The following CFAP221 variants were observed in gnomAD, a reference collection of about 807,000 sequenced individuals.
CFAP221 encodes the protein cilia and flagella associated protein 221.
Under a neutral mutation model 113.1 loss-of-function variants are expected in CFAP221, and 97 were observed. The observed-to-expected ratio is 0.86, with a 90% confidence interval of 0.73 to 1.02. CFAP221 has a LOEUF of 1.02. CFAP221 is among the 50% of genes least tolerant of loss of function. The probability of loss-of-function intolerance (pLI) is 0.00; values close to 1 mark genes in which losing one functional copy is unlikely to be tolerated. For synonymous variants in CFAP221, 331 were observed against 354.4 expected, an observed-to-expected ratio of 0.93 and a Z score of 0.74; for missense variants, 1,025 against 1,013.4, an observed-to-expected ratio of 1.01 and a Z score of -0.16.
At chr2:119,652,091 T>A (rs1421123268) in intron 23 of CFAP221, 22 bp downstream of exon 23, 5 of 1,560,122 alleles carry the variant, frequency 3.2e-6, no homozygotes, top group Non-Finnish European at 4.4e-6. Context: ...CTTTTATGCC[T>A]TATTAAAAGG....
downstream of CFAP221, among the ~76,000 whole-genome samples, chr2:119,659,186 T>G (rs879285292): frequency 2.0e-5 from 3 of 152,152 alleles, no homozygotes; most frequent in Non-Finnish European, 2.9e-5. Flanking sequence ...TAAAGTAACA[T>G]CCCATTTGCT....
At chr2:119,579,354 A>T (rs1490652733) in intron 6 of CFAP221, among the ~76,000 whole-genome samples, 2 of 152,152 alleles carry the variant, frequency 1.3e-5, no homozygotes, top group African/African-American at 4.8e-5. Flanking sequence ...ATGGTATTTA[A>T]CAATGAGAAT....
chr2:119,546,533 C>T (rs1263231934), intron 2 of CFAP221, among the ~76,000 whole-genome samples: 1 of 152,188 alleles, frequency 6.6e-6, no homozygotes, highest in African/African-American at 2.4e-5. Context: ...TCTTGTTTCT[C>T]ATGTTCAGCA....
chr2:119,605,327 C>A, intron 11 of CFAP221, 38 bp downstream of exon 11: 2 of 1,450,476 alleles, frequency 1.4e-6, no homozygotes, highest in Non-Finnish European at 9.7e-7. Flanking sequence ...AGTGTCAGTA[C>A]AGTTATTTTT....
chr2:119,547,808 G>C (rs944575495), intron 2 of CFAP221, among the ~76,000 whole-genome samples: 3 of 152,094 alleles, frequency 2.0e-5, no homozygotes, highest in Non-Finnish European at 4.4e-5. Context: ...CTAGAATTAT[G>C]ATGATCAAAG....
intron 14 of CFAP221, among the ~76,000 whole-genome samples, chr2:119,624,740 A>C (rs1686174724): frequency 6.6e-6 from 1 of 152,180 alleles, no homozygotes; most frequent in Admixed American, 6.5e-5. Flanking sequence ...TGAAGCTAGA[A>C]ATCATCATTC....
chr2:119,647,756 G>A (rs1016032072), intron 22 of CFAP221, among the ~76,000 whole-genome samples: 3 of 152,168 alleles, frequency 2.0e-5, no homozygotes, highest in Non-Finnish European at 4.4e-5. Context: ...GAGAAAATTA[G>A]AAGTTCCATA....
intron 14 of CFAP221, among the ~76,000 whole-genome samples, chr2:119,625,155 T>C (rs1259408896): frequency 1.3e-5 from 2 of 152,198 alleles, no homozygotes; most frequent in East Asian, 1.9e-4. Flanking sequence ...GCAAAGCTCA[T>C]TGGTAGGCAG....
At chr2:119,550,002 A>C (rs560822515) in intron 3 of CFAP221, among the ~76,000 whole-genome samples, 3 of 152,252 alleles carry the variant, frequency 2.0e-5, no homozygotes, top group African/African-American at 7.2e-5. Flanking sequence ...GAACAACCTC[A>C]GTGACTTCAC....
Position 119,601,106 on chromosome 2 carries a change from G to A in CFAP221, c.632-112G>A, listed in dbSNP as rs1684334630. On this transcript the variant is annotated intron_variant, in intron 7 of 23. Coordinates refer to ENST00000413369, the MANE Select transcript of CFAP221 (RefSeq NM_001271049.2). ...ATTTTCAATTGTGTGGGGAGTCAGTGCCCCTAATCTCCACATTGTCAGAGG... is the reference window on the plus strand; with the variant it reads ...ATTTTCAATTGTGTGGGGAGTCAGTACCCCTAATCTCCACATTGTCAGAGG... 11 of 1,085,048 alleles carry A rather than the reference G, an allele frequency of 1.0e-5. No homozygotes were observed. The South Asian group carries it at 1.8e-4, about 18-fold the overall frequency. 67.2% of individuals were successfully genotyped at this position (1,085,048 alleles called of 1,614,324 possible).
At chr2:119,611,449 C>T (rs890591213) in intron 12 of CFAP221, among the ~76,000 whole-genome samples, 2 of 144,216 alleles carry the variant, frequency 1.4e-5, no homozygotes, top group Admixed American at 7.0e-5. Context: ...AAGGAGGTAT[C>T]GAATCTGTGC....
In CFAP221 at chr2:119,587,269, A is replaced by G. The variant is rs749877709; in HGVS notation, c.631+47A>G. The G allele has an allele frequency of 5.4e-6, 7 of 1,307,642 alleles. No homozygotes were observed. The East Asian group carries it at 1.0e-4, about 19-fold the overall frequency. 81.0% of individuals were successfully genotyped at this position (1,307,642 alleles called of 1,614,324 possible). A position where few individuals can be genotyped will look rare whatever the true frequency, so the allele number is the denominator to read the frequency against. On this transcript the variant is annotated intron_variant, in intron 7 of 23. Transcript: ENST00000413369. Reference sequence around the variant, plus strand: ...AGTTCTAAAAACAAGAATAAGCTGCATTCAAACGTTATATTTTCAAACACA... The same window carrying G: ...AGTTCTAAAAACAAGAATAAGCTGCGTTCAAACGTTATATTTTCAAACACA...
At chr2:119,566,082 C>T (rs116654047) in intron 6 of CFAP221, among the ~76,000 whole-genome samples, 21 of 152,194 alleles carry the variant, frequency 1.4e-4, no homozygotes, top group African/African-American at 3.6e-4. Flanking sequence ...AGGGATGACC[C>T]GGCTTGGTTG....
Position 119,630,812 on chromosome 2 carries a change from A to G in CFAP221, c.1885A>G (p.Thr629Ala), listed in dbSNP as rs1686721978. ...ITALPKQDST[T>A]QLSGKTSVLS... is the part of the protein sequence containing the mutation. Reference sequence around the variant, plus strand: ...AGCCCTTCCGAAACAGGACTCCACAACTCAGCTCTCTGGCAAAACATCAGT... The same window carrying G: ...AGCCCTTCCGAAACAGGACTCCACAGCTCAGCTCTCTGGCAAAACATCAGT... The change falls in exon 19 of 24, where the codon ACT (threonine) becomes GCT (alanine). Residue 629 changes from threonine (T) to alanine (A), a missense_variant. Thr to Ala is a moderately conservative substitution (Grantham distance 58). Transcript: ENST00000413369. The G allele has an allele frequency of 1.2e-6, 2 of 1,613,714 alleles. No homozygotes were observed. Among genetic ancestry groups the G allele is most frequent in the African/African-American group, 1.3e-5 (1 of 75,008 alleles).
intron 19 of CFAP221, among the ~76,000 whole-genome samples, chr2:119,634,108 G>GAAC (rs1686963271): frequency 6.6e-6 from 1 of 151,798 alleles, no homozygotes; most frequent in African/African-American, 2.4e-5. Context: ...ACCCTGTCTC[G>GAAC]AATAATAATA....
chr2:119,581,388 C>T (rs1189967599), intron 6 of CFAP221, among the ~76,000 whole-genome samples: 2 of 151,756 alleles, frequency 1.3e-5, no homozygotes, highest in Non-Finnish European at 2.9e-5. Flanking sequence ...TAAAAAGAAC[C>T]ATTTAGAAAT....
At chr2:119,568,587 A>G (rs942886336) in intron 6 of CFAP221, among the ~76,000 whole-genome samples, 2 of 151,988 alleles carry the variant, frequency 1.3e-5, no homozygotes, top group African/African-American at 4.8e-5. Context: ...GAGAACATGC[A>G]GTGTTTGATT....
At chr2:119,582,754 C>T (rs1270841947) in intron 6 of CFAP221, among the ~76,000 whole-genome samples, 2 of 152,090 alleles carry the variant, frequency 1.3e-5, no homozygotes, top group Non-Finnish European at 2.9e-5. Context: ...CAGCACCCAG[C>T]TGTCAATAAG....
chr2:119,647,824 T>C (rs948653287), intron 22 of CFAP221, among the ~76,000 whole-genome samples: 16 of 152,206 alleles, frequency 1.1e-4, no homozygotes, highest in African/African-American at 3.6e-4. Context: ...AGTTTTCTAG[T>C]TTAATTAACC....
Sources: gnomAD v4.1 joint callset for allele counts (sites outside exome capture counted in the v4.1 genomes callset) on GRCh38, gnomAD v4.1.1 for gene constraint, MANE v1.5 for transcripts, NCBI Gene and HGNC (gene_info 2026-07-23, HGNC 2026-07-21) for gene names.